ANO2: variants seen among roughly 807,000 people sequenced by gnomAD.
ANO2 encodes the protein anoctamin 2.
In ANO2, 101 loss-of-function variants were observed where a neutral mutation model predicts 124.2. The ratio of observed to expected loss-of-function variants is 0.81; its 90% CI spans 0.69 to 0.96. The LOEUF is 0.96. Ranked by LOEUF, ANO2 falls within the 40% of genes least tolerant of loss-of-function variation. ANO2 has a pLI of 0.00. For missense variants in ANO2, 1,293 were observed against 1,274.5 expected (o/e 1.01, Z -0.22); for synonymous variants, 486 against 482.5 (o/e 1.01, Z -0.09).
intron 1 of ANO2, among the ~76,000 whole-genome samples, chr12:5,923,066 A>ACACATG (rs1565783294): frequency 3.9e-4 from 43 of 111,306 alleles, no homozygotes; most frequent in African/African-American, 1.2e-3. Flanking sequence ...CCACATACAC[A>ACACATG]CACACATGCA....
intron 7 of ANO2, among the ~76,000 whole-genome samples, chr12:5,812,351 G>A (rs115903742): frequency 0.024 from 3,356 of 138,274 alleles, 98 homozygotes; most frequent in African/African-American, 0.051. Context: ...GAGGAAGGAA[G>A]GAGGAAGGAG....
At chr12:5,841,847 G>A (rs188437399) in intron 4 of ANO2, among the ~76,000 whole-genome samples, 1 of 152,078 alleles carries the variant, frequency 6.6e-6, no homozygotes, top group Non-Finnish European at 1.5e-5. Flanking sequence ...TCTTCTGTTG[G>A]TGCCTCCTAA....
intron 11 of ANO2, among the ~76,000 whole-genome samples, chr12:5,750,459 C>A (rs563054101): frequency 6.6e-6 from 1 of 152,354 alleles, no homozygotes; most frequent in South Asian, 2.1e-4. Flanking sequence ...TCACTCCCCA[C>A]ACCTTGCCTT....
intron 4 of ANO2, among the ~76,000 whole-genome samples, chr12:5,851,386 C>CA (rs1353519586): frequency 2.6e-5 from 4 of 152,174 alleles, no homozygotes; most frequent in African/African-American, 7.2e-5. Context: ...GGCAGAAAGA[C>CA]AAGAGATGTA....
chr12:5,742,894 T>G (rs1951145243), intron 12 of ANO2, among the ~76,000 whole-genome samples: 1 of 151,746 alleles, frequency 6.6e-6, no homozygotes, highest in Admixed American at 6.6e-5. Context: ...CTGTGAACAG[T>G]CCCAGGAGTC....
intron 10 of ANO2, among the ~76,000 whole-genome samples, chr12:5,775,835 A>G (rs911650172): frequency 6.6e-6 from 1 of 152,108 alleles, no homozygotes; most frequent in Non-Finnish European, 1.5e-5. Flanking sequence ...AACCCTTCCT[A>G]CCTGAAGTCT....
At chr12:5,643,590 G>A (rs1240475033) in intron 15 of ANO2, among the ~76,000 whole-genome samples, 1 of 152,064 alleles carries the variant, frequency 6.6e-6, no homozygotes, top group Non-Finnish European at 1.5e-5. Context: ...CTGGGCCCCA[G>A]GATATATGTA....
At chr12:5,845,301 C>T (rs536010877) in intron 4 of ANO2, among the ~76,000 whole-genome samples, 282 of 151,780 alleles carry the variant, frequency 1.9e-3, no homozygotes, top group African/African-American at 6.6e-3. Context: ...GGCACTGTGG[C>T]TCACGCCTGT....
intron 14 of ANO2, among the ~76,000 whole-genome samples, chr12:5,720,827 C>T (rs1950202166): frequency 6.6e-6 from 1 of 152,182 alleles, no homozygotes; most frequent in African/African-American, 2.4e-5. Flanking sequence ...TTTGTAACTT[C>T]CTAATTTAGA....
chr12:5,634,212 C>A (rs1179884282), intron 16 of ANO2, among the ~76,000 whole-genome samples: 1 of 152,112 alleles, frequency 6.6e-6, no homozygotes, highest in Non-Finnish European at 1.5e-5. Context: ...AAAGTGCTCA[C>A]CGTGGGTAGT....
intron 3 of ANO2, among the ~76,000 whole-genome samples, chr12:5,887,182 T>C (rs1028001819): frequency 3.9e-5 from 6 of 152,194 alleles, no homozygotes; most frequent in African/African-American, 1.4e-4. Context: ...GGCTAGGATT[T>C]TTTTTAAAGC....
At chr12:5,792,003 A>G (rs1358779778) in intron 10 of ANO2, among the ~76,000 whole-genome samples, 4 of 152,154 alleles carry the variant, frequency 2.6e-5, no homozygotes, top group African/African-American at 9.7e-5. Flanking sequence ...AAATACATTT[A>G]TTTGTATTTA....
At chr12:5,756,629 C>T (rs558317423) in intron 10 of ANO2, among the ~76,000 whole-genome samples, 3 of 152,290 alleles carry the variant, frequency 2.0e-5, no homozygotes, top group South Asian at 2.1e-4. Flanking sequence ...TGCCATGGTC[C>T]GTGGGTGGGC....
At chr12:5,841,799 C>T (rs1269129937) in intron 4 of ANO2, among the ~76,000 whole-genome samples, 1 of 152,212 alleles carries the variant, frequency 6.6e-6, no homozygotes, top group Non-Finnish European at 1.5e-5. Context: ...CTAAATGATT[C>T]TCCTCTGGTT....
At chr12:5,926,722 C>T (rs939861241) in intron 1 of ANO2, among the ~76,000 whole-genome samples, 1 of 152,176 alleles carries the variant, frequency 6.6e-6, no homozygotes, top group African/African-American at 2.4e-5. Context: ...ACTAAGAAAG[C>T]TAATTTCCTT....
At chr12:5,720,224 T>G (rs1324482844) in intron 14 of ANO2, among the ~76,000 whole-genome samples, 1 of 152,160 alleles carries the variant, frequency 6.6e-6, no homozygotes, top group Admixed American at 6.5e-5. Context: ...TCAAAGCCTC[T>G]GTGTCTCCAT....
At chr12:5,821,163 G>A (rs1953784704) in intron 7 of ANO2, among the ~76,000 whole-genome samples, 1 of 152,182 alleles carries the variant, frequency 6.6e-6, no homozygotes, top group Admixed American at 6.5e-5. Context: ...AGACTTATGG[G>A]TGAGACATTT....
intron 19 of ANO2, among the ~76,000 whole-genome samples, chr12:5,601,363 C>T (rs1943929346): frequency 6.6e-6 from 1 of 151,762 alleles, no homozygotes; most frequent in South Asian, 2.1e-4. Flanking sequence ...AGCTGAAATT[C>T]TTTAGAATTT....
chr12:5,906,000 C>G (rs1027687899), intron 3 of ANO2, among the ~76,000 whole-genome samples: 2 of 152,142 alleles, frequency 1.3e-5, no homozygotes, highest in African/African-American at 4.8e-5. Flanking sequence ...TGGCTCTGAG[C>G]GGGCTGCAGA....
Sources: allele counts gnomAD v4.1 joint callset (sites outside exome capture counted in the v4.1 genomes callset), GRCh38; gene constraint gnomAD v4.1.1; transcripts MANE v1.5; gene names NCBI Gene and HGNC (gene_info 2026-07-23, HGNC 2026-07-21).